The following TCF20 variants were observed in gnomAD, a reference collection of about 807,000 sequenced individuals.
The protein encoded by TCF20 is transcription factor 20.
A neutral mutation model predicts 148.6 loss-of-function variants in TCF20; 3 were observed. The ratio of observed to expected loss-of-function variants is 0.02; its 90% CI spans 0.01 to 0.05. TCF20 has a LOEUF of 0.05. Among genes scored for constraint, TCF20 ranks in the 10% least tolerant of loss-of-function variants. The probability of loss-of-function intolerance (pLI) is 1.00; values close to 1 mark genes in which losing one functional copy is unlikely to be tolerated. For missense variants in TCF20, 2,350 were observed against 2,429.3 expected (o/e 0.97, Z 0.69); for synonymous variants, 1,049 against 909.5 (o/e 1.15, Z -2.76).
intron 1 of TCF20, among the ~76,000 whole-genome samples, chr22:42,312,916 G>A (rs1157680081): frequency 6.6e-6 from 1 of 152,196 alleles, no homozygotes; most frequent in African/African-American, 2.4e-5. Flanking sequence ...GGGGAAAGGT[G>A]CCTTGAGGAC....
intron 1 of TCF20, among the ~76,000 whole-genome samples, chr22:42,234,229 G>T (rs1403439154): frequency 6.6e-6 from 1 of 152,236 alleles, no homozygotes; most frequent in African/African-American, 2.4e-5. Flanking sequence ...GGGACAAACA[G>T]ATTTTAATGT....
At chr22:42,323,911 G>GTGATGGAGGTTA (rs1927792566) in intron 1 of TCF20, among the ~76,000 whole-genome samples, 1 of 129,676 alleles carries the variant, frequency 7.7e-6, no homozygotes, top group Non-Finnish European at 1.7e-5. Flanking sequence ...GGAGGTGGTG[G>GTGATGGAGGTTA]TGGTGATGGA....
chr22:42,207,100 C>G (rs1290051189), intron 2 of TCF20, among the ~76,000 whole-genome samples: 4 of 152,110 alleles, frequency 2.6e-5, no homozygotes, highest in African/African-American at 9.7e-5. Flanking sequence ...AGTGGGGGTG[C>G]AACATGGGGC....
chr22:42,171,087 A>G (rs1194392381), intron 3 of TCF20, among the ~76,000 whole-genome samples: 1 of 152,224 alleles, frequency 6.6e-6, no homozygotes, highest in African/African-American at 2.4e-5. Context: ...AGCATCCTGG[A>G]TGGCAGCAAG....
intron 1 of TCF20, among the ~76,000 whole-genome samples, chr22:42,241,795 C>T (rs1924426542): frequency 6.6e-6 from 1 of 152,082 alleles, no homozygotes; most frequent in Admixed American, 6.5e-5. Flanking sequence ...TGCCACTGCA[C>T]TGCACCCCAG....
chr22:42,258,203 C>T (rs1925844020), intron 1 of TCF20, among the ~76,000 whole-genome samples: 2 of 152,126 alleles, frequency 1.3e-5, no homozygotes, highest in Admixed American at 1.3e-4. Context: ...CAGCTCTATC[C>T]GCTTGGCAGG....
Position 42,211,033 on chromosome 22 carries a change from G to T in TCF20, c.4273C>A (p.His1425Asn), listed in dbSNP as rs759281870. Residue 1425 changes from histidine (H) to asparagine (N), a missense_variant, in exon 2 of 6, where the codon CAC becomes AAC. His to Asn is a moderately conservative substitution (Grantham distance 68). Transcript: ENST00000677622. ...GACCTTGGAAGAGGTTTCTCTACGT[G>T]CAACTCCTGGTTTGCTGGACTGACT... ...DLVSPANQEL[H>N]VEKPLPRSSE... 4.3e-6 allele frequency: 7 copies of T among 1,614,120 alleles called. No individual in the cohort carries two copies. In the South Asian group the frequency reaches 4.4e-5, roughly 10 times the overall value.
At chr22:42,249,433 T>C (rs1202213098) in intron 1 of TCF20, among the ~76,000 whole-genome samples, 1 of 152,240 alleles carries the variant, frequency 6.6e-6, no homozygotes, top group East Asian at 1.9e-4. Context: ...GGAAGCTGAG[T>C]ATCAGTTCTT....
At chr22:42,171,807 C>T (rs1166472084) in intron 3 of TCF20, among the ~76,000 whole-genome samples, 2 of 152,140 alleles carry the variant, frequency 1.3e-5, no homozygotes, top group East Asian at 3.9e-4. Flanking sequence ...CAAACAGAAA[C>T]AGTACAGCAC....
intron 1 of TCF20, among the ~76,000 whole-genome samples, chr22:42,322,190 G>A (rs1927744758): frequency 6.6e-6 from 1 of 151,872 alleles, no homozygotes; most frequent in Non-Finnish European, 1.5e-5. Context: ...GCACTTAAGG[G>A]AGGCAGAGAA....
At chr22:42,245,536 A>T (rs575597894) in intron 1 of TCF20, among the ~76,000 whole-genome samples, 2 of 152,298 alleles carry the variant, frequency 1.3e-5, no homozygotes, top group East Asian at 3.9e-4. Flanking sequence ...TAGTACTAAA[A>T]ACTAACCTTT....
At chr22:42,303,596 G>C (rs1308248827) in intron 1 of TCF20, among the ~76,000 whole-genome samples, 1 of 152,238 alleles carries the variant, frequency 6.6e-6, no homozygotes, top group Non-Finnish European at 1.5e-5. Context: ...TGGACTGTCT[G>C]GCCTCACCTT....
At chr22:42,325,323 G>T (rs1323488380) in intron 1 of TCF20, among the ~76,000 whole-genome samples, 1 of 152,222 alleles carries the variant, frequency 6.6e-6, no homozygotes, top group Non-Finnish European at 1.5e-5. Context: ...CTGGCTCTGA[G>T]AGGCAAAACC....
intron 1 of TCF20, among the ~76,000 whole-genome samples, chr22:42,238,709 G>A (rs1924101292): frequency 6.6e-6 from 1 of 152,214 alleles, no homozygotes; most frequent in Non-Finnish European, 1.5e-5. Flanking sequence ...AGGAGGTGGT[G>A]AGATGGGGGG....
At chr22:42,273,360 C>CAAAAAAA (rs35166029), upstream of TCF20, among the ~76,000 whole-genome samples, 32 of 61,262 alleles carry the variant, frequency 5.2e-4, 2 homozygotes, top group South Asian at 2.9e-3. Flanking sequence ...AACTCCGTCT[C>CAAAAAAA]AAAAAAAAAA....
intron 1 of TCF20, chr22:42,270,000 CACCCA>C (rs1322172493): frequency 6.6e-6 from 1 of 152,370 alleles, no homozygotes; most frequent in Non-Finnish European, 1.5e-5. Flanking sequence ...GCCGCCTTTG[CACCCA>C]AGGCCTCGCG....
chr22:42,289,412 T>G (rs559597472), intron 1 of TCF20, among the ~76,000 whole-genome samples: 79 of 152,270 alleles, frequency 5.2e-4, no homozygotes, highest in African/African-American at 1.8e-3. Context: ...AGTAGAATTA[T>G]TAACAATAAT....
rs1920926930 is a variant in TCF20, at chr22:42,209,868, G to T, written c.5438C>A (p.Thr1813Asn). ...SRGLPCKKAATEGSSEKTVLD... is the reference protein window; with the variant it reads ...SRGLPCKKAANEGSSEKTVLD... The stretch of plus-strand genomic sequence containing the variant: ...AACAGTCTTTTCACTGCTGCCCTCA[G>T]TGGCTGCTTTTTTACAAGGGAGCCC... The change falls in exon 2 of 6, where the codon ACT (threonine) becomes AAT (asparagine). Residue 1813 changes from threonine to asparagine, a missense_variant. Physicochemically the swap from Thr to Asn is moderately conservative, Grantham distance 65 (BLOSUM62 0). Around this residue, in one of 7 missense-constraint regions of TCF20, gnomAD observed 374 missense variants for 398.3 expected, o/e 0.94. Transcript: ENST00000677622. 2 of 1,614,102 alleles carry T rather than the reference G, an allele frequency of 1.2e-6. No individual in the cohort carries two copies. Among genetic ancestry groups the T allele is most frequent in the Non-Finnish European group, 8.5e-7 (1 of 1,180,036 alleles).
chr22:42,323,832 C>T (rs557160124), intron 1 of TCF20, among the ~76,000 whole-genome samples: 23 of 119,594 alleles, frequency 1.9e-4, no homozygotes, highest in African/African-American at 6.6e-4. Context: ...TTGCGGTGGT[C>T]GCGGTGGTGG....
Sources: gnomAD v4.1 joint callset for allele counts (sites outside exome capture counted in the v4.1 genomes callset) on GRCh38, gnomAD v4.1.1 for gene constraint, gnomAD v4.1.1 regional missense constraint, MANE v1.5 for transcripts, NCBI Gene and HGNC (gene_info 2026-07-23, HGNC 2026-07-21) for gene names.